DHH: variants seen among roughly 807,000 people sequenced by gnomAD.
The protein encoded by DHH is desert hedgehog protein.
A neutral mutation model predicts 27.6 loss-of-function variants in DHH; 16 were observed. The observed-to-expected ratio is 0.58, with a 90% CI of 0.39 to 0.88. The LOEUF (loss-of-function observed/expected upper bound fraction) is 0.88. Among genes scored for constraint, DHH ranks in the 40% least tolerant of loss-of-function variants. The probability of loss-of-function intolerance (pLI) is 0.00; values close to 1 mark genes in which losing one functional copy is unlikely to be tolerated. For synonymous variants in DHH, 289 were observed against 263.4 expected (o/e 1.10, Z -0.94); for missense variants, 436 against 563.1 (o/e 0.77, Z 2.28).
Position 49,086,802 on chromosome 12 carries a change from A to G in DHH, c.*3057T>C, listed in dbSNP as rs1939218347. On this transcript the variant is annotated 3_prime_UTR_variant, in exon 3 of 3. Coordinates refer to ENST00000649637, the MANE Select transcript of DHH (RefSeq NM_021044.4). ...ACATGAAGAGTCAACTTCTATATGT[A>G]AGGAAGTCTGGACTACTACAGAAAT... Among the ~76,000 whole-genome samples the G allele has an allele frequency of 6.6e-6, 1 of 152,344 alleles. No individual in the cohort carries two copies. The highest frequency in any genetic ancestry group is 1.5e-5 in the Non-Finnish European group (1 of 68,030).
rs762023711 is a variant in DHH at position 49,094,282 on chromosome 12, G to C, written c.231C>G (p.Leu77=). The stretch of plus-strand genomic sequence containing the variant: ...TGATGTCGGGGTTGTAGTTGGGCAC[G>C]AGGTCCCGGAAGCGCTCGGAGCCCC... ...VARGSERFRD[L]VPNYNPDIIF... is the part of the protein sequence containing the mutation. The change falls in exon 1 of 3, where the codon CTC becomes CTG. Residue 77 remains leucine (L), a synonymous_variant. Transcript: ENST00000649637. 1 of 1,613,456 alleles carries C rather than the reference G, an allele frequency of 6.2e-7. No homozygotes were observed. The highest frequency in any genetic ancestry group is 1.1e-5 in the South Asian group (1 of 91,086).
Position 49,089,839 on chromosome 12 carries a change from G to A in DHH, c.*20C>T. The A allele has an allele frequency of 1.3e-6, 2 of 1,520,838 alleles. No homozygotes were observed. The highest frequency in any genetic ancestry group is 2.8e-5 in the African/African-American group (2 of 70,918). The allele number at this position is 1,520,838 out of a possible 1,614,324, so 94.2% of individuals were successfully genotyped here. A position where few individuals can be genotyped will look rare whatever the true frequency, so the allele number is the denominator to read the frequency against. On this transcript the variant is annotated 3_prime_UTR_variant, in exon 3 of 3. Coordinates refer to ENST00000649637, the MANE Select transcript of DHH (RefSeq NM_021044.4). ...GCCCTCGTTTCCTCGGGCGCTTCGAGGTTTCTATGCCTGGGACGCTCAGCC... is the reference window on the plus strand; with the variant it reads ...GCCCTCGTTTCCTCGGGCGCTTCGAAGTTTCTATGCCTGGGACGCTCAGCC...
At position 49,089,913 on chromosome 12, in the gene DHH, G is replaced by A. The variant is rs1939264119; in HGVS notation, c.1137C>T (p.Gly379=). 1.9e-6 allele frequency: 3 copies of A among 1,593,244 alleles called. No individual in the cohort carries two copies. The highest frequency in any genetic ancestry group is 2.3e-5 in the East Asian group (1 of 43,908). The change falls in exon 3 of 3, where the codon GGC becomes GGT. Residue 379 remains glycine (G), a synonymous_variant. Coordinates refer to ENST00000649637, the MANE Select transcript of DHH (RefSeq NM_021044.4). ...AGAGGAGCCGAGAGTACCAATGCAT[G>A]CCAGTCGGCTGGACGGCCCCGCCGG... is the stretch of plus-strand genomic sequence containing the variant. ...LLPGGAVQPT[G]MHWYSRLLYR... is the part of the protein sequence containing the mutation.
At position 49,090,463 on chromosome 12, in the gene DHH, G is replaced by T. The variant is rs755199142; in HGVS notation, c.587C>A (p.Ala196Glu). ...VKADNSLAVR[A>E]GGCFPGNATV... ...TGCATTTCCCGGAAAGCAGCCGCCC[G>T]CCCGGACCGCCAGTGAGTTATCTGC... Residue 196 changes from alanine to glutamate, a missense_variant, in exon 3 of 3, where the codon GCG (alanine) becomes GAG (glutamate). Coordinates refer to ENST00000649637, the MANE Select transcript of DHH (RefSeq NM_021044.4). The surrounding 1 kb of genome is among the most constrained non-coding windows in gnomAD (Gnocchi z 5.2). 3 of 1,603,176 alleles carry T rather than the reference G, an allele frequency of 1.9e-6. No homozygotes were observed. Among genetic ancestry groups the T allele is most frequent in the South Asian group, 2.2e-5 (2 of 90,860 alleles).
In DHH at chr12:49,086,723, C is replaced by T. The variant is rs1176259270; in HGVS notation, c.*3136G>A. On this transcript the variant is annotated 3_prime_UTR_variant, in exon 3 of 3. Coordinates refer to ENST00000649637, the MANE Select transcript of DHH (RefSeq NM_021044.4). ...GTAGTTTCAGGCACTACCTGGAACCCCATTATGCTTTCACCTCCTTGACTA... is the reference window on the plus strand; with the variant it reads ...GTAGTTTCAGGCACTACCTGGAACCTCATTATGCTTTCACCTCCTTGACTA... Among the ~76,000 whole-genome samples the T allele has an allele frequency of 5.3e-5, 8 of 152,068 alleles. No homozygotes were observed. The highest frequency in any genetic ancestry group is 5.2e-4 in the Admixed American group (8 of 15,256).
chr12:49,089,197 G>A lies in DHH; in HGVS notation c.*662C>T, dbSNP rs1465715932. Reference sequence around the variant, plus strand: ...CCCTGGACCCTTCAGCCGCAGGAGCGAAATGCTGGTCCTCTCTGGATGGGA... The same window carrying A: ...CCCTGGACCCTTCAGCCGCAGGAGCAAAATGCTGGTCCTCTCTGGATGGGA... On this transcript the variant is annotated 3_prime_UTR_variant, in exon 3 of 3. Transcript: ENST00000649637. 2.0e-5 allele frequency among the ~76,000 whole-genome samples: 3 copies of A among 152,246 alleles called. No homozygotes were observed. The highest frequency in any genetic ancestry group is 3.8e-4 in the East Asian group (2 of 5,204).
Position 49,091,406 on chromosome 12 carries a change from G to C in DHH, c.304-17C>G. On this transcript the variant is annotated splice_polypyrimidine_tract_variant and intron_variant, in intron 1 of 2. Transcript: ENST00000649637. The surrounding 1 kb of genome is among the most constrained non-coding windows in gnomAD (Gnocchi z 4.8). Reference sequence around the variant, plus strand: ...CTTACAACGCTGGCGGGGAATAAAGGAGTCAGTCTCCCCACCACCACCCTT... The same window carrying C: ...CTTACAACGCTGGCGGGGAATAAAGCAGTCAGTCTCCCCACCACCACCCTT... 6.2e-7 allele frequency: 1 copy of C among 1,613,516 alleles called. No individual in the cohort carries two copies. Among genetic ancestry groups the C allele is most frequent in the Non-Finnish European group, 8.5e-7 (1 of 1,179,940 alleles).
At position 49,090,456 on chromosome 12, in the gene DHH, G is replaced by C. The variant is rs757107144; in HGVS notation, c.594C>G (p.Gly198=). ...GCACAGTTGCATTTCCCGGAAAGCA[G>C]CCGCCCGCCCGGACCGCCAGTGAGT... The part of the protein sequence containing the change: ...ADNSLAVRAG[G]CFPGNATVRL... Residue 198 remains glycine, a synonymous_variant, in exon 3 of 3, where the codon GGC becomes GGG. Transcript: ENST00000649637. This position sits in a 1 kb window ranked among gnomAD's most constrained non-coding sequence, Gnocchi z 5.2. 3.7e-6 allele frequency: 6 copies of C among 1,605,160 alleles called. No homozygotes were observed. In the Admixed American group the frequency reaches 1.0e-4, roughly 27 times the overall value.
rs35343506 is a variant in DHH, at chr12:49,090,667, CTATGTATGTATG to C, written c.566-195_566-184del. On this transcript the variant is annotated intron_variant, in intron 2 of 2. Transcript: ENST00000649637. This position sits in a 1 kb window ranked among gnomAD's most constrained non-coding sequence, Gnocchi z 5.2. ...TTTCTTTTCCTTTTTCTTCTCTTTTCTATGTATGTATGTATGTATGTATGTATGTATGTATGT... is the reference window on the plus strand; with the variant it reads ...TTTCTTTTCCTTTTTCTTCTCTTTTCTATGTATGTATGTATGTATGTATGT... Among the ~76,000 whole-genome samples, 83 of 145,672 alleles carry C rather than the reference CTATGTATGTATG, an allele frequency of 5.7e-4. No homozygotes were observed. Among genetic ancestry groups the C allele is most frequent in the Middle Eastern group, 3.4e-3 (1 of 290 alleles).
Position 49,090,593 on chromosome 12 carries a change from TCTGA to T in DHH, c.566-113_566-110del. The T allele has an allele frequency of 6.9e-7, 1 of 1,458,136 alleles. No individual in the cohort carries two copies. The highest frequency in any genetic ancestry group is 1.2e-5 in the South Asian group (1 of 82,290). 90.3% of individuals were successfully genotyped at this position (1,458,136 alleles called of 1,614,324 possible). A position where few individuals can be genotyped will look rare whatever the true frequency, so the allele number is the denominator to read the frequency against. On this transcript the variant is annotated intron_variant, in intron 2 of 2. Transcript: ENST00000649637. This position sits in a 1 kb window ranked among gnomAD's most constrained non-coding sequence, Gnocchi z 5.2. ...CATGGACAACACAATTTTCCGTTAATCTGACTGGCCCCAACCTGGGCAGAAAAGG... is the reference window on the plus strand; with the variant it reads ...CATGGACAACACAATTTTCCGTTAATCTGGCCCCAACCTGGGCAGAAAAGG...
Position 49,089,868 on chromosome 12 carries a change from T to C in DHH, c.1182A>G (p.Leu394=), listed in dbSNP as rs749055114. 1.4e-5 allele frequency: 22 copies of C among 1,569,494 alleles called. 1 individual carries two copies. The highest frequency in any genetic ancestry group is 5.8e-5 in the South Asian group (5 of 85,826). ...TCTATGCCTGGGACGCTCAGCCCAGTAGCTCCTCCGCTAAGCGGTAGAGGA... is the reference window on the plus strand; with the variant it reads ...TCTATGCCTGGGACGCTCAGCCCAGCAGCTCCTCCGCTAAGCGGTAGAGGA... The part of the protein sequence containing the change: ...SRLLYRLAEE[L]LG The change falls in exon 3 of 3, where the codon CTA becomes CTG. Residue 394 remains leucine (L), a synonymous_variant. Coordinates refer to ENST00000649637, the MANE Select transcript of DHH (RefSeq NM_021044.4).
Position 49,089,995 on chromosome 12 carries a change from C to T in DHH, c.1055G>A (p.Trp352Ter). The change falls in exon 3 of 3, where the codon TGG becomes TAG. Residue 352 changes from tryptophan (W) to a stop codon, truncating the protein, a stop_gained. Transcript: ENST00000649637. LOFTEE classifies it high-confidence loss of function. ...SCYAVLESHQ[W>*]AHRAFAPLRL... Reference sequence around the variant, plus strand: ...CAAGGGGGCAAAAGCGCGGTGCGCCCACTGGTGACTCTCCAGAACCGCGTA... The same window carrying T: ...CAAGGGGGCAAAAGCGCGGTGCGCCTACTGGTGACTCTCCAGAACCGCGTA... 6.4e-7 allele frequency: 1 copy of T among 1,565,836 alleles called. No homozygotes were observed. The highest frequency in any genetic ancestry group is 8.6e-7 in the Non-Finnish European group (1 of 1,156,558).
Position 49,089,754 on chromosome 12 carries a change from C to T in DHH, c.*105G>A. 2.2e-6 allele frequency: 3 copies of T among 1,393,028 alleles called. No homozygotes were observed. The highest frequency in any genetic ancestry group is 2.8e-6 in the Non-Finnish European group (3 of 1,064,980). 86.3% of individuals were successfully genotyped at this position (1,393,028 alleles called of 1,614,324 possible). A position where few individuals can be genotyped will look rare whatever the true frequency, so the allele number is the denominator to read the frequency against. ...AGCCCCATTTTCTCCCTCCCCCTCC[C>T]TCTCCCTCCCTTCCAGTCGGCATCG... On this transcript the variant is annotated 3_prime_UTR_variant, in exon 3 of 3. Transcript: ENST00000649637.
chr12:49,088,081 T>C lies in DHH; in HGVS notation c.*1778A>G, dbSNP rs1457229808. On this transcript the variant is annotated 3_prime_UTR_variant, in exon 3 of 3. Coordinates refer to ENST00000649637, the MANE Select transcript of DHH (RefSeq NM_021044.4). ...CCTTGACAATTGAACTCAAGGGTCA[T>C]GAGGGTGAGGGACATGAGGCGGCAA... Among the ~76,000 whole-genome samples the C allele has an allele frequency of 6.6e-6, 1 of 152,052 alleles. No individual in the cohort carries two copies. The highest frequency in any genetic ancestry group is 2.1e-4 in the South Asian group (1 of 4,818).
chr12:49,090,604 C>T lies in DHH; in HGVS notation c.566-120G>A. 1 of 1,341,984 alleles carries T rather than the reference C, an allele frequency of 7.5e-7. No homozygotes were observed. The highest frequency in any genetic ancestry group is 1.0e-6 in the Non-Finnish European group (1 of 986,848). The allele number at this position is 1,341,984 out of a possible 1,614,324, so 83.1% of individuals were successfully genotyped here. On this transcript the variant is annotated intron_variant, in intron 2 of 2. Transcript: ENST00000649637. The surrounding 1 kb of genome is among the most constrained non-coding windows in gnomAD (Gnocchi z 5.2). ...CAATTTTCCGTTAATCTGACTGGCCCCAACCTGGGCAGAAAAGGAAGGGCG... is the reference window on the plus strand; with the variant it reads ...CAATTTTCCGTTAATCTGACTGGCCTCAACCTGGGCAGAAAAGGAAGGGCG...
chr12:49,091,537 T>C lies in DHH; in HGVS notation c.304-148A>G. 8.1e-7 allele frequency: 1 copy of C among 1,230,464 alleles called. No homozygotes were observed. The highest frequency in any genetic ancestry group is 1.1e-6 in the Non-Finnish European group (1 of 878,214). 76.2% of individuals were successfully genotyped at this position (1,230,464 alleles called of 1,614,324 possible). A position where few individuals can be genotyped will look rare whatever the true frequency, so the allele number is the denominator to read the frequency against. ...CTGGAGAAATGAGAATCTGAGTCGA[T>C]GGTAGTCACCAATCTGCACTCTGTT... On this transcript the variant is annotated intron_variant, in intron 1 of 2. Coordinates refer to ENST00000649637, the MANE Select transcript of DHH (RefSeq NM_021044.4). The surrounding 1 kb of genome is among the most constrained non-coding windows in gnomAD (Gnocchi z 4.8).
chr12:49,094,525 C>T lies in DHH; in HGVS notation c.-13G>A. ...TCAGGAGAGCCATGGATACAGCGGA[C>T]CTCGGCCAAAAGGGAGCGTTCTTGT... is the stretch of plus-strand genomic sequence containing the variant. On this transcript the variant is annotated 5_prime_UTR_variant, in exon 1 of 3. Coordinates refer to ENST00000649637, the MANE Select transcript of DHH (RefSeq NM_021044.4). 6.4e-7 allele frequency: 1 copy of T among 1,551,170 alleles called. No homozygotes were observed. The highest frequency in any genetic ancestry group is 8.7e-7 in the Non-Finnish European group (1 of 1,147,466).
intron 1 of DHH, 79 bp downstream of exon 1, chr12:49,094,131 G>T: frequency 1.3e-6 from 2 of 1,514,598 alleles, no homozygotes; most frequent in Non-Finnish European, 1.8e-6. Flanking sequence ...GGTGAAGCTG[G>T]ACTCACCCAC....
In DHH at chr12:49,094,652, A is replaced by T. The variant is rs1301814814; in HGVS notation, c.-140T>A. ...CCCTAGAGCTCTTGTGGCTCCGTGCACCTGGCTGCTGCTAGCTCTGCCCAC... is the reference window on the plus strand; with the variant it reads ...CCCTAGAGCTCTTGTGGCTCCGTGCTCCTGGCTGCTGCTAGCTCTGCCCAC... On this transcript the variant is annotated 5_prime_UTR_variant, in exon 1 of 3. Coordinates refer to ENST00000649637, the MANE Select transcript of DHH (RefSeq NM_021044.4). 8.7e-6 allele frequency: 9 copies of T among 1,029,540 alleles called. No individual in the cohort carries two copies. The highest frequency in any genetic ancestry group is 1.3e-5 in the Non-Finnish European group (9 of 681,550). 63.8% of individuals were successfully genotyped at this position (1,029,540 alleles called of 1,614,324 possible).
Sources: gnomAD v4.1 joint callset for allele counts (sites outside exome capture counted in the v4.1 genomes callset) on GRCh38, gnomAD v4.1.1 for gene constraint, Gnocchi (gnomAD v3.1) non-coding constraint, MANE v1.5 for transcripts, NCBI Gene and HGNC (gene_info 2026-07-23, HGNC 2026-07-21) for gene names.